CLEC16A: variants seen among roughly 807,000 people sequenced by gnomAD.
CLEC16A encodes the protein protein CLEC16A.
In CLEC16A, 51 loss-of-function variants were observed where a neutral mutation model predicts 109.5. That is an observed-to-expected ratio of 0.47 (90% confidence interval 0.37 to 0.59). CLEC16A has a LOEUF of 0.59. Among genes scored for constraint, CLEC16A ranks in the 20% least tolerant of loss-of-function variants. The pLI is 0.00. For synonymous variants in CLEC16A, 673 were observed against 564.2 expected (o/e 1.19, Z -2.73); for missense variants, 1,339 against 1,394.0 (o/e 0.96, Z 0.63).
At position 11,024,781 on chromosome 16, in the gene CLEC16A, G is replaced by C. The variant is rs775780081; in HGVS notation, c.1437-40G>C. 8 of 1,486,230 alleles carry C rather than the reference G, an allele frequency of 5.4e-6. No homozygotes were observed. In the Admixed American group the frequency reaches 7.8e-5, roughly 14 times the overall value. 92.1% of individuals were successfully genotyped at this position (1,486,230 alleles called of 1,614,324 possible). On this transcript the variant is annotated intron_variant, in intron 12 of 23. Coordinates refer to ENST00000409790, the MANE Select transcript of CLEC16A (RefSeq NM_015226.3). ...TTAGAGAGGGGAGGTGTTCACCCTT[G>C]TGCACCGTGAGGCTCATACATGCCC...
intron 22 of CLEC16A, among the ~76,000 whole-genome samples, chr16:11,162,569 C>G (rs994591649): frequency 1.3e-5 from 2 of 152,258 alleles, no homozygotes; most frequent in African/African-American, 4.8e-5. Context: ...CAGCTGCCTT[C>G]TCTGCTCTGG....
intron 22 of CLEC16A, among the ~76,000 whole-genome samples, chr16:11,145,464 TG>T (rs976655682): frequency 7.9e-5 from 12 of 152,356 alleles, no homozygotes; most frequent in African/African-American, 2.6e-4. Context: ...CAGCTCTACC[TG>T]GGAGATGCAG....
intron 12 of CLEC16A, among the ~76,000 whole-genome samples, chr16:11,023,507 A>G (rs2046238093): frequency 6.6e-6 from 1 of 152,146 alleles, no homozygotes; most frequent in African/African-American, 2.4e-5. Flanking sequence ...CTGTGGAGAA[A>G]TGGGGATGGA....
chr16:11,044,041 A>G lies in CLEC16A; in HGVS notation c.1784A>G (p.Glu595Gly). Residue 595 changes from glutamate (E) to glycine (G), a missense_variant, in exon 16 of 24, where the codon GAA becomes GGA. Coordinates refer to ENST00000409790, the MANE Select transcript of CLEC16A (RefSeq NM_015226.3). ...HLACLEGARE[E>G]SVHLVRHFYK... is the part of the protein sequence containing the mutation. ...CTCTTTTAACAGGGTGCGAGAGAAG[A>G]AAGTGTTCACCTTGTACGACATTTT... The G allele has an allele frequency of 6.2e-7, 1 of 1,609,222 alleles. No homozygotes were observed. The highest frequency in any genetic ancestry group is 8.5e-7 in the Non-Finnish European group (1 of 1,176,890).
intron 19 of CLEC16A, among the ~76,000 whole-genome samples, chr16:11,081,269 G>C (rs2049699686): frequency 6.6e-6 from 1 of 152,210 alleles, no homozygotes; most frequent in Non-Finnish European, 1.5e-5. Context: ...CTGGACAAAA[G>C]AGCCCCACTT....
intron 19 of CLEC16A, among the ~76,000 whole-genome samples, chr16:11,090,077 C>T (rs145837484): frequency 7.9e-5 from 12 of 152,232 alleles, no homozygotes; most frequent in Non-Finnish European, 1.5e-4. Context: ...CCCAGAAATA[C>T]GCTTGCTTAT....
At chr16:11,074,817 G>A (rs1267121308) in intron 19 of CLEC16A, among the ~76,000 whole-genome samples, 1 of 152,156 alleles carries the variant, frequency 6.6e-6, no homozygotes, top group Admixed American at 6.5e-5. Flanking sequence ...TCAATTCTAT[G>A]CATTAGAGAA....
chr16:11,132,735 A>AGG (rs1341753129), intron 22 of CLEC16A, among the ~76,000 whole-genome samples: 1 of 152,124 alleles, frequency 6.6e-6, no homozygotes, highest in Non-Finnish European at 1.5e-5. Context: ...GCACTTGGCC[A>AGG]GGGGGTGGGT....
chr16:11,172,658 G>A (rs2068570100), intron 23 of CLEC16A, among the ~76,000 whole-genome samples: 1 of 152,154 alleles, frequency 6.6e-6, no homozygotes, highest in Non-Finnish European at 1.5e-5. Context: ...GGAGGCTGAG[G>A]CGGGTGGATC....
intron 19 of CLEC16A, among the ~76,000 whole-genome samples, chr16:11,067,210 T>TAA (rs1234729334): frequency 2.6e-5 from 2 of 77,618 alleles, no homozygotes; most frequent in East Asian, 4.8e-4. Context: ...TTTTTTTTTT[T>TAA]AAAAAAAGCA....
chr16:11,022,337 CTTTT>C (rs36094157), intron 12 of CLEC16A, among the ~76,000 whole-genome samples: 3 of 93,474 alleles, frequency 3.2e-5, no homozygotes, highest in Admixed American at 1.2e-4. Context: ...GTCTGGCTAC[CTTTT>C]TTTTTTTTTT....
At chr16:10,998,020 G>A (rs1280973549) in intron 10 of CLEC16A, among the ~76,000 whole-genome samples, 1 of 152,200 alleles carries the variant, frequency 6.6e-6, no homozygotes, top group South Asian at 2.1e-4. Flanking sequence ...CAGGCACCCA[G>A]TCTTTGGTTG....
At position 10,973,073 on chromosome 16, in the gene CLEC16A, C is replaced by T. The variant is rs112472422; in HGVS notation, c.728+12C>T. 2.2e-3 allele frequency: 3,468 copies of T among 1,592,534 alleles called. 54 individuals carry two copies. In the African/African-American group the frequency reaches 0.039, roughly 18 times the overall value. On this transcript the variant is annotated intron_variant, in intron 7 of 23. Coordinates refer to ENST00000409790, the MANE Select transcript of CLEC16A (RefSeq NM_015226.3). ...CAGACTGATGAGGAGTAAGTGACAC[C>T]CCCAGGGCCACTCAGTAGATAGACA... is the stretch of plus-strand genomic sequence containing the variant.
Position 10,957,812 on chromosome 16 carries a change from C to T in CLEC16A, c.111C>T (p.Thr37=). ...TGTACCACGTTTTGACCAAAAACACCACAGTCACAGAACAGAACCGGAACC... is the reference window on the plus strand; with the variant it reads ...TGTACCACGTTTTGACCAAAAACACTACAGTCACAGAACAGAACCGGAACC... ...KYLYHVLTKN[T]TVTEQNRNLL... is the part of the protein sequence containing the mutation. The change falls in exon 2 of 24, where the codon ACC becomes ACT. Residue 37 remains threonine (T), a synonymous_variant. Coordinates refer to ENST00000409790, the MANE Select transcript of CLEC16A (RefSeq NM_015226.3). The T allele has an allele frequency of 6.2e-7, 1 of 1,613,720 alleles. No individual in the cohort carries two copies. The highest frequency in any genetic ancestry group is 8.5e-7 in the Non-Finnish European group (1 of 1,179,682).
At chr16:11,101,976 C>CTTTTTTTT (rs35871397) in intron 19 of CLEC16A, among the ~76,000 whole-genome samples, 1 of 129,554 alleles carries the variant, frequency 7.7e-6, no homozygotes, top group Non-Finnish European at 1.7e-5. Context: ...ATAATTTTTG[C>CTTTTTTTT]TTTTTTTTTT....
intron 13 of CLEC16A, among the ~76,000 whole-genome samples, chr16:11,035,869 G>A (rs2046988384): frequency 6.6e-6 from 1 of 152,158 alleles, no homozygotes; most frequent in South Asian, 2.1e-4. Context: ...CAAAACACTG[G>A]ATAGTTGGAG....
intron 19 of CLEC16A, among the ~76,000 whole-genome samples, chr16:11,076,369 G>A (rs951696440): frequency 5.3e-5 from 8 of 152,248 alleles, no homozygotes; most frequent in Non-Finnish European, 1.2e-4. Flanking sequence ...CTGGCTGACG[G>A]GGAGGGGAGG....
At chr16:11,017,898 A>G (rs2045854307) in intron 11 of CLEC16A, among the ~76,000 whole-genome samples, 1 of 152,126 alleles carries the variant, frequency 6.6e-6, no homozygotes. Context: ...GACTCAATGT[A>G]AAAGGGATCC....
rs199890590 is a variant in CLEC16A at position 10,971,258 on chromosome 16, G to A, written c.598+28G>A. On this transcript the variant is annotated intron_variant, in intron 5 of 23. Transcript: ENST00000409790. ...AAGTGTCCTCATGGGCTTGTGTCTC[G>A]GCTGATTTCTGACTTGGCAGCAAGC... The A allele has an allele frequency of 8.1e-5, 124 of 1,525,570 alleles. 1 individual carries two copies. The highest frequency in any genetic ancestry group is 3.0e-4 in the Admixed American group (17 of 57,444). 94.5% of individuals were successfully genotyped at this position (1,525,570 alleles called of 1,614,324 possible).
Sources: allele counts gnomAD v4.1 joint callset (sites outside exome capture counted in the v4.1 genomes callset), GRCh38; gene constraint gnomAD v4.1.1; transcripts MANE v1.5; gene names NCBI Gene and HGNC (gene_info 2026-07-23, HGNC 2026-07-21).